Variants in MDGA2 observed in about 807,000 individuals in gnomAD.
MDGA2 encodes MAM domain-containing glycosylphosphatidylinositol anchor protein 2.
In MDGA2, 40 loss-of-function variants were observed where a neutral mutation model predicts 117.8. The observed-to-expected ratio is 0.34, with a 90% confidence interval of 0.26 to 0.44. The LOEUF is 0.44. Among genes scored for constraint, MDGA2 ranks in the 20% least tolerant of loss-of-function variants. The pLI is 1.00. For missense variants in MDGA2, 1,123 were observed against 1,250.6 expected, an observed-to-expected ratio of 0.90 and a Z score of 1.54; for synonymous variants, 452 against 439.0, an observed-to-expected ratio of 1.03 and a Z score of -0.37.
rs369485347 is a variant in MDGA2, at chr14:47,096,916, C to T, written c.1133G>A (p.Ser378Asn). 1 of 1,613,140 alleles carries T rather than the reference C, an allele frequency of 6.2e-7. No homozygotes were observed. Among genetic ancestry groups the T allele is most frequent in the Non-Finnish European group, 8.5e-7 (1 of 1,179,462 alleles). ...TCCCACATTATTATTGGCAATGCAGCTGTAAGTACCAGCATCATCTGAGGT... is the reference window on the plus strand; with the variant it reads ...TCCCACATTATTATTGGCAATGCAGTTGTAAGTACCAGCATCATCTGAGGT... ...AITSDDAGTY[S>N]CIANNNVGNP... The change falls in exon 6 of 17, where the codon AGC becomes AAC. Residue 378 changes from serine to asparagine, a missense_variant. Physicochemically the swap from Ser to Asn is conservative, Grantham distance 46. Coordinates refer to ENST00000399232, the MANE Select transcript of MDGA2 (RefSeq NM_001113498.3).
intron 1 of MDGA2, among the ~76,000 whole-genome samples, chr14:47,554,942 G>C (rs1281852273): frequency 6.6e-6 from 1 of 152,050 alleles, no homozygotes; most frequent in Admixed American, 6.6e-5. Context: ...TGGAGTTACA[G>C]AATAAGGCAA....
intron 7 of MDGA2, among the ~76,000 whole-genome samples, chr14:47,052,934 C>T (rs1372601664): frequency 6.6e-6 from 1 of 151,808 alleles, no homozygotes; most frequent in Non-Finnish European, 1.5e-5. Flanking sequence ...GTCTCTGTCA[C>T]ACTCCCTCAC....
intron 8 of MDGA2, among the ~76,000 whole-genome samples, chr14:46,998,429 T>TATTATC (rs1172679580): frequency 6.6e-6 from 1 of 152,140 alleles, no homozygotes; most frequent in East Asian, 1.9e-4. Context: ...TTTAGAAATA[T>TATTATC]ATTATCTGGA....
At chr14:47,642,325 T>A (rs1305444244) in intron 1 of MDGA2, among the ~76,000 whole-genome samples, 1 of 152,088 alleles carries the variant, frequency 6.6e-6, no homozygotes, top group Non-Finnish European at 1.5e-5. Context: ...GCGTGATATA[T>A]AAATCAGCAG....
At chr14:46,939,279 C>T (rs1884907753) in intron 9 of MDGA2, among the ~76,000 whole-genome samples, 1 of 151,976 alleles carries the variant, frequency 6.6e-6, no homozygotes, top group African/African-American at 2.4e-5. Flanking sequence ...GTTTCCAACA[C>T]AATGAAATAA....
chr14:47,335,734 T>TATATATATATATATA (rs1555374518), intron 1 of MDGA2, among the ~76,000 whole-genome samples: 17 of 48,036 alleles, frequency 3.5e-4, no homozygotes, highest in Admixed American at 4.8e-4. Context: ...CACATATATT[T>TATATATATATATATA]TATATATATA....
intron 1 of MDGA2, among the ~76,000 whole-genome samples, chr14:47,326,032 T>C (rs1246614760): frequency 1.3e-5 from 2 of 152,112 alleles, no homozygotes; most frequent in African/African-American, 4.8e-5. Flanking sequence ...ATGACAATAT[T>C]AGACATTAAT....
In MDGA2 at chr14:46,873,620, A is replaced by T. The variant is rs146917844; in HGVS notation, c.2594-29T>A. 5 of 1,589,334 alleles carry T rather than the reference A, an allele frequency of 3.1e-6. No homozygotes were observed. In the East Asian group the frequency reaches 1.1e-4, roughly 36 times the overall value. On this transcript the variant is annotated intron_variant, in intron 13 of 16. Transcript: ENST00000399232. ...AAAACAGACAAAATAAAGTGTTTAA[A>T]CACATTATTCTTAGGCATAATGAAA...
At chr14:47,587,915 T>C (rs921643086) in intron 1 of MDGA2, among the ~76,000 whole-genome samples, 8 of 151,930 alleles carry the variant, frequency 5.3e-5, no homozygotes, top group African/African-American at 1.9e-4. Context: ...GCACCTCTTA[T>C]CTACTGTCTT....
At chr14:47,543,544 A>T (rs1484728194) in intron 1 of MDGA2, among the ~76,000 whole-genome samples, 1 of 152,232 alleles carries the variant, frequency 6.6e-6, no homozygotes, top group Non-Finnish European at 1.5e-5. Context: ...AACTGAATAT[A>T]ACTTCTGAGC....
At chr14:47,110,589 C>T (rs922838348) in intron 5 of MDGA2, among the ~76,000 whole-genome samples, 5 of 152,120 alleles carry the variant, frequency 3.3e-5, no homozygotes, top group African/African-American at 1.2e-4. Context: ...TTTTGAACAC[C>T]TTTATGACTC....
At chr14:47,578,908 T>A (rs928388777) in intron 1 of MDGA2, among the ~76,000 whole-genome samples, 4 of 152,170 alleles carry the variant, frequency 2.6e-5, no homozygotes, top group Non-Finnish European at 5.9e-5. Flanking sequence ...CTTGCTTTAG[T>A]TGAAAGATTT....
intron 1 of MDGA2, among the ~76,000 whole-genome samples, chr14:47,329,142 G>T (rs1890225701): frequency 6.6e-6 from 1 of 152,060 alleles, no homozygotes; most frequent in African/African-American, 2.4e-5. Context: ...ATGTTGCCCA[G>T]GTTGGTCTTG....
chr14:47,056,074 A>G (rs184124433), intron 7 of MDGA2, among the ~76,000 whole-genome samples: 9 of 152,218 alleles, frequency 5.9e-5, no homozygotes, highest in Admixed American at 4.6e-4. Flanking sequence ...TAGTCTTATG[A>G]CTTCTACTTA....
chr14:47,567,424 A>T (rs1196936602), intron 1 of MDGA2, among the ~76,000 whole-genome samples: 1 of 152,150 alleles, frequency 6.6e-6, no homozygotes, highest in Non-Finnish European at 1.5e-5. Flanking sequence ...TGAATGACAC[A>T]CTCTAGCAAC....
intron 16 of MDGA2, among the ~76,000 whole-genome samples, chr14:46,843,553 AT>A (rs1217240429): frequency 4.6e-5 from 7 of 152,130 alleles, no homozygotes; most frequent in Non-Finnish European, 8.8e-5. Flanking sequence ...ACAAGGATAC[AT>A]TTTTACTAAA....
intron 1 of MDGA2, among the ~76,000 whole-genome samples, chr14:47,509,455 G>A (rs1015276585): frequency 3.3e-5 from 5 of 152,130 alleles, no homozygotes; most frequent in Admixed American, 3.3e-4. Context: ...TAGGCAAAAG[G>A]AGCTGTGCCC....
intron 1 of MDGA2, among the ~76,000 whole-genome samples, chr14:47,414,884 T>G (rs1442126280): frequency 6.6e-6 from 1 of 152,118 alleles, no homozygotes; most frequent in Admixed American, 6.6e-5. Context: ...GTAATCATCA[T>G]TTTTACTAAC....
At chr14:46,905,126 A>T (rs750190516) in intron 10 of MDGA2, among the ~76,000 whole-genome samples, 2 of 152,202 alleles carry the variant, frequency 1.3e-5, no homozygotes, top group African/African-American at 2.4e-5. Flanking sequence ...TTCATATTTC[A>T]TTCTCACAAT....
Sources: gnomAD v4.1 joint callset for allele counts (sites outside exome capture counted in the v4.1 genomes callset) on GRCh38, gnomAD v4.1.1 for gene constraint, MANE v1.5 for transcripts, NCBI Gene and HGNC (gene_info 2026-07-23, HGNC 2026-07-21) for gene names.